HMX2: variants seen among roughly 807,000 people sequenced by gnomAD.
HMX2 encodes homeobox protein HMX2.
A neutral mutation model predicts 21.2 loss-of-function variants in HMX2; 15 were observed. That is an observed-to-expected ratio of 0.71 (90% CI 0.47 to 1.09). The LOEUF (loss-of-function observed/expected upper bound fraction) is 1.09. HMX2 is among the 50% of genes least tolerant of loss of function. The pLI, the probability that HMX2 is intolerant of heterozygous loss-of-function variation, is 0.00. For synonymous variants in HMX2, 193 were observed against 181.0 expected (o/e 1.07, Z -0.53); for missense variants, 440 against 381.5 (o/e 1.15, Z -1.28).
Position 123,148,181 on chromosome 10 carries a change from A to G in HMX2, c.-198A>G. 1 of 589,636 alleles carries G rather than the reference A, an allele frequency of 1.7e-6. No individual in the cohort carries two copies. Among genetic ancestry groups the G allele is most frequent in the Middle Eastern group, 4.4e-4 (1 of 2,258 alleles). 36.5% of individuals were successfully genotyped at this position (589,636 alleles called of 1,614,324 possible). ...CGGGCGCACCCAGAGCCAGGCGGGC[A>G]GGAACCCCTGCGCAGCCATCCGGTG... On this transcript the variant is annotated 5_prime_UTR_variant, in exon 1 of 2. Coordinates refer to ENST00000339992, the MANE Select transcript of HMX2 (RefSeq NM_005519.2).
In HMX2 at chr10:123,150,029, C is replaced by A. The variant is rs752047204; in HGVS notation, c.728C>A (p.Pro243Gln). ...RDSSLLRVPV[P>Q]RSLAFPAPLY... ...AGTTCGCTGCTGCGCGTGCCGGTGC[C>A]GCGCTCGCTCGCCTTTCCCGCGCCG... Residue 243 changes from proline to glutamine, a missense_variant, in exon 2 of 2, where the codon CCG becomes CAG. By Grantham distance (76) the Pro-to-Gln change is moderately conservative. Transcript: ENST00000339992. The surrounding 1 kb of genome is among the most constrained non-coding windows in gnomAD (Gnocchi z 4.2). 1 of 1,606,114 alleles carries A rather than the reference C, an allele frequency of 6.2e-7. No homozygotes were observed. Among genetic ancestry groups the A allele is most frequent in the African/African-American group, 1.3e-5 (1 of 74,824 alleles).
Position 123,149,620 on chromosome 10 carries a change from C to G in HMX2, c.319C>G (p.Pro107Ala). The G allele has an allele frequency of 6.7e-7, 1 of 1,496,500 alleles. No individual in the cohort carries two copies. Among genetic ancestry groups the G allele is most frequent in the Non-Finnish European group, 8.9e-7 (1 of 1,129,794 alleles). The allele number at this position is 1,496,500 out of a possible 1,614,324, so 92.7% of individuals were successfully genotyped here. A position where few individuals can be genotyped will look rare whatever the true frequency, so the allele number is the denominator to read the frequency against. The change falls in exon 2 of 2, where the codon CCT becomes GCT. Residue 107 changes from proline (P) to alanine (A), a missense_variant. Coordinates refer to ENST00000339992, the MANE Select transcript of HMX2 (RefSeq NM_005519.2). This position sits in a 1 kb window ranked among gnomAD's most constrained non-coding sequence, Gnocchi z 5.4. ...GSGPGGLERT[P>A]FLSPSHSDFK... ...GGGCCCGGGCGGCTTGGAGCGCACG[C>G]CTTTCCTCTCTCCTTCGCACTCGGA...
At position 123,149,941 on chromosome 10, in the gene HMX2, G is replaced by T. The variant is rs1844251878; in HGVS notation, c.640G>T (p.Ala214Ser). ...WKRQLSAELE[A>S]ANMAHASAQT... Reference sequence around the variant, plus strand: ...GCGGCAGCTCTCGGCTGAGCTGGAGGCGGCCAACATGGCGCACGCGTCGGC... The same window carrying T: ...GCGGCAGCTCTCGGCTGAGCTGGAGTCGGCCAACATGGCGCACGCGTCGGC... Residue 214 changes from alanine to serine, a missense_variant, in exon 2 of 2, where the codon GCG becomes TCG. Ala to Ser is a moderately conservative substitution (Grantham distance 99). Coordinates refer to ENST00000339992, the MANE Select transcript of HMX2 (RefSeq NM_005519.2). This position sits in a 1 kb window ranked among gnomAD's most constrained non-coding sequence, Gnocchi z 5.4. The T allele has an allele frequency of 1.2e-6, 2 of 1,612,216 alleles. No homozygotes were observed. The highest frequency in any genetic ancestry group is 1.7e-6 in the Non-Finnish European group (2 of 1,179,676).
Position 123,148,436 on chromosome 10 carries a change from T to A in HMX2, c.58T>A (p.Phe20Ile). 1 of 1,613,202 alleles carries A rather than the reference T, an allele frequency of 6.2e-7. No homozygotes were observed. Among genetic ancestry groups the A allele is most frequent in the Non-Finnish European group, 8.5e-7 (1 of 1,179,662 alleles). ...TCCGGCGGCCGGTGGCGTCTCCAGC[T>A]TCACCATCCAGTCCATCCTGGGCGG... ...GCPAAGGVSS[F>I]TIQSILGGGP... is the part of the protein sequence containing the mutation. The change falls in exon 1 of 2, where the codon TTC becomes ATC. Residue 20 changes from phenylalanine (F) to isoleucine (I), a missense_variant. Coordinates refer to ENST00000339992, the MANE Select transcript of HMX2 (RefSeq NM_005519.2).
Position 123,150,086 on chromosome 10 carries a change from T to C in HMX2, c.785T>C (p.Leu262Ser). ...TACCCGGGAAGCAACCTCTCGGCCTTACCTCTCTACAACCTATACAACAAG... is the reference window on the plus strand; with the variant it reads ...TACCCGGGAAGCAACCTCTCGGCCTCACCTCTCTACAACCTATACAACAAG... ...LYYPGSNLSA[L>S]PLYNLYNKLD... is the part of the protein sequence containing the mutation. The change falls in exon 2 of 2, where the codon TTA becomes TCA. Residue 262 changes from leucine (L) to serine (S), a missense_variant. By Grantham distance (145) the Leu-to-Ser change is moderately radical. Transcript: ENST00000339992. This position sits in a 1 kb window ranked among gnomAD's most constrained non-coding sequence, Gnocchi z 4.2. The C allele has an allele frequency of 6.3e-7, 1 of 1,590,268 alleles. No homozygotes were observed. Among genetic ancestry groups the C allele is most frequent in the Non-Finnish European group, 8.5e-7 (1 of 1,174,286 alleles).
chr10:123,149,877 G>T lies in HMX2; in HGVS notation c.576G>T (p.Gln192His), dbSNP rs771091831. The change falls in exon 2 of 2, where the codon CAG (glutamine) becomes CAT (histidine). Residue 192 changes from glutamine (Q) to histidine (H), a missense_variant. By Grantham distance (24) the Gln-to-His change is conservative. Transcript: ENST00000339992. This position sits in a 1 kb window ranked among gnomAD's most constrained non-coding sequence, Gnocchi z 5.4. ...LASSLQLTET[Q>H]VKTWFQNRRN... is the part of the protein sequence containing the mutation. ...CCAGCCTGCAGCTCACGGAGACCCA[G>T]GTAAAGACTTGGTTCCAGAACCGCC... 3.1e-6 allele frequency: 5 copies of T among 1,612,838 alleles called. No individual in the cohort carries two copies. In the East Asian group the frequency reaches 1.1e-4, roughly 36 times the overall value.
Position 123,148,388 on chromosome 10 carries a change from A to T in HMX2, c.10A>T (p.Lys4Ter), listed in dbSNP as rs1337016015. ...TTCTTATGAACCCAGGATGGGCAGC[A>T]AAGAAGATGCGGGCAAGGGGTGTCC... The part of the protein sequence containing the change: MGS[K>*]EDAGKGCPAA... The change falls in exon 1 of 2, where the codon AAA becomes TAA. Residue 4 changes from lysine (K) to a stop codon, truncating the protein, a stop_gained. Coordinates refer to ENST00000339992, the MANE Select transcript of HMX2 (RefSeq NM_005519.2). LOFTEE classifies it high-confidence loss of function. The T allele has an allele frequency of 1.9e-6, 3 of 1,613,206 alleles. No individual in the cohort carries two copies. The African/African-American group carries it at 4.0e-5, about 22-fold the overall frequency.
Position 123,150,124 on chromosome 10 carries a change from C to A in HMX2, c.*1C>A. The A allele has an allele frequency of 6.5e-7, 1 of 1,528,924 alleles. No homozygotes were observed. The allele number at this position is 1,528,924 out of a possible 1,614,324, so 94.7% of individuals were successfully genotyped here. A position where few individuals can be genotyped will look rare whatever the true frequency, so the allele number is the denominator to read the frequency against. On this transcript the variant is annotated 3_prime_UTR_variant, in exon 2 of 2. Transcript: ENST00000339992. This position sits in a 1 kb window ranked among gnomAD's most constrained non-coding sequence, Gnocchi z 4.2. ...CCTATACAACAAGCTCGACTACTGA[C>A]CGGCCCGCCGCCCCGCGCCGCCCCC...
At position 123,148,186 on chromosome 10, in the gene HMX2, C is replaced by T; in HGVS notation, c.-193C>T. 1 of 607,532 alleles carries T rather than the reference C, an allele frequency of 1.6e-6. No individual in the cohort carries two copies. The highest frequency in any genetic ancestry group is 2.8e-6 in the Non-Finnish European group (1 of 355,086). 37.6% of individuals were successfully genotyped at this position (607,532 alleles called of 1,614,324 possible). On this transcript the variant is annotated 5_prime_UTR_variant, in exon 1 of 2. Transcript: ENST00000339992. ...GCACCCAGAGCCAGGCGGGCAGGAA[C>T]CCCTGCGCAGCCATCCGGTGCCTGC...
At position 123,149,949 on chromosome 10, in the gene HMX2, C is replaced by G. The variant is rs753308785; in HGVS notation, c.648C>G (p.Asn216Lys). 172 of 1,611,950 alleles carry G rather than the reference C, an allele frequency of 1.1e-4. No individual in the cohort carries two copies. Among genetic ancestry groups the G allele is most frequent in the Non-Finnish European group, 1.4e-4 (168 of 1,179,610 alleles). The change falls in exon 2 of 2, where the codon AAC (asparagine) becomes AAG (lysine). Residue 216 changes from asparagine (N) to lysine (K), a missense_variant. Coordinates refer to ENST00000339992, the MANE Select transcript of HMX2 (RefSeq NM_005519.2). This position sits in a 1 kb window ranked among gnomAD's most constrained non-coding sequence, Gnocchi z 5.4. ...RQLSAELEAA[N>K]MAHASAQTLV... is the part of the protein sequence containing the mutation. ...TCTCGGCTGAGCTGGAGGCGGCCAA[C>G]ATGGCGCACGCGTCGGCGCAGACTC...
Position 123,148,232 on chromosome 10 carries a change from A to G in HMX2, c.-147A>G. 1.2e-6 allele frequency: 1 copy of G among 816,244 alleles called. No individual in the cohort carries two copies. The highest frequency in any genetic ancestry group is 2.0e-6 in the Non-Finnish European group (1 of 511,896). 50.6% of individuals were successfully genotyped at this position (816,244 alleles called of 1,614,324 possible). A position where few individuals can be genotyped will look rare whatever the true frequency, so the allele number is the denominator to read the frequency against. ...CCTGCATGTCCCTGGCGCGGAAGGG[A>G]CGCCTCACCAGCCTCGGCGCCCCCT... is the stretch of plus-strand genomic sequence containing the variant. On this transcript the variant is annotated 5_prime_UTR_variant, in exon 1 of 2. Coordinates refer to ENST00000339992, the MANE Select transcript of HMX2 (RefSeq NM_005519.2).
rs776530658 is a variant in HMX2 at position 123,149,782 on chromosome 10, G to T, written c.481G>T (p.Val161Leu). Residue 161 changes from valine (V) to leucine (L), a missense_variant, in exon 2 of 2, where the codon GTG (valine) becomes TTG (leucine). By Grantham distance (32) the Val-to-Leu change is conservative (BLOSUM62 1). Transcript: ENST00000339992. This position sits in a 1 kb window ranked among gnomAD's most constrained non-coding sequence, Gnocchi z 5.4. ...GCGCACCGTCTTTTCGCGCAGCCAG[G>T]TGTACCAGCTCGAGTCCACCTTCGA... is the stretch of plus-strand genomic sequence containing the variant. ...KTRTVFSRSQ[V>L]YQLESTFDMK... is the part of the protein sequence containing the mutation. 13 of 1,606,462 alleles carry T rather than the reference G, an allele frequency of 8.1e-6. No individual in the cohort carries two copies. The East Asian group carries it at 1.6e-4, about 19-fold the overall frequency.
chr10:123,148,531 G>T lies in HMX2; in HGVS notation c.153G>T (p.Ser51=), dbSNP rs766681252. The T allele has an allele frequency of 1.9e-6, 3 of 1,612,848 alleles. No homozygotes were observed. Among genetic ancestry groups the T allele is most frequent in the Non-Finnish European group, 2.5e-6 (3 of 1,179,604 alleles). ...PARKRSLSVS[S]EEEEPDDGWK... is the part of the protein sequence containing the mutation. The stretch of plus-strand genomic sequence containing the variant: ...GGAAGCGCAGCCTGTCCGTGTCCTC[G>T]GAGGAGGAGGAGCCGGACGACGGCT... Residue 51 remains serine (S), a synonymous_variant, in exon 1 of 2, where the codon TCG becomes TCT. Coordinates refer to ENST00000339992, the MANE Select transcript of HMX2 (RefSeq NM_005519.2).
chr10:123,148,373 C>T lies in HMX2; in HGVS notation c.-6C>T, dbSNP rs770174689. The T allele has an allele frequency of 1.2e-6, 2 of 1,612,444 alleles. No homozygotes were observed. Among genetic ancestry groups the T allele is most frequent in the Non-Finnish European group, 1.7e-6 (2 of 1,179,214 alleles). On this transcript the variant is annotated 5_prime_UTR_variant, in exon 1 of 2. Transcript: ENST00000339992. ...TTGGTTTCCTTCGATTTCTTATGAA[C>T]CCAGGATGGGCAGCAAAGAAGATGC...
rs1480940642 is a variant in HMX2, at chr10:123,148,477, A to G, written c.99A>G (p.Ala33=). Residue 33 remains alanine (A), a synonymous_variant, in exon 1 of 2, where the codon GCA becomes GCG. Coordinates refer to ENST00000339992, the MANE Select transcript of HMX2 (RefSeq NM_005519.2). ...TCCTGGGCGGGGGCCCCTCGGAGGC[A>G]CCGCGGGAGCCCGTCGGCTGGCCAG... ...QSILGGGPSE[A]PREPVGWPAR... is the part of the protein sequence containing the mutation. 1 of 1,612,438 alleles carries G rather than the reference A, an allele frequency of 6.2e-7. No individual in the cohort carries two copies. Among genetic ancestry groups the G allele is most frequent in the Non-Finnish European group, 8.5e-7 (1 of 1,179,294 alleles).
In HMX2 at chr10:123,149,639, A is replaced by C. The variant is rs529302024; in HGVS notation, c.338A>C (p.His113Pro). ...CGCACGCCTTTCCTCTCTCCTTCGC[A>C]CTCGGACTTTAAAGAAGAGAAAGAG... Reference protein sequence around the residue: ...LERTPFLSPSHSDFKEEKERL... With the variant: ...LERTPFLSPSPSDFKEEKERL... Residue 113 changes from histidine to proline, a missense_variant, in exon 2 of 2, where the codon CAC (histidine) becomes CCC (proline). Physicochemically the swap from His to Pro is moderately conservative, Grantham distance 77. Coordinates refer to ENST00000339992, the MANE Select transcript of HMX2 (RefSeq NM_005519.2). The surrounding 1 kb of genome is among the most constrained non-coding windows in gnomAD (Gnocchi z 5.4). 3.3e-5 allele frequency: 51 copies of C among 1,530,856 alleles called. No homozygotes were observed. The South Asian group carries it at 6.4e-4, about 19-fold the overall frequency. The allele number at this position is 1,530,856 out of a possible 1,614,324, so 94.8% of individuals were successfully genotyped here.
Position 123,149,933 on chromosome 10 carries a change from A to C in HMX2, c.632A>C (p.Glu211Ala). 3.7e-6 allele frequency: 6 copies of C among 1,612,324 alleles called. No individual in the cohort carries two copies. The highest frequency in any genetic ancestry group is 3.4e-6 in the Non-Finnish European group (4 of 1,179,702). ...RNKWKRQLSA[E>A]LEAANMAHAS... ...AAGTGGAAGCGGCAGCTCTCGGCTG[A>C]GCTGGAGGCGGCCAACATGGCGCAC... is the stretch of plus-strand genomic sequence containing the variant. The change falls in exon 2 of 2, where the codon GAG becomes GCG. Residue 211 changes from glutamate (E) to alanine (A), a missense_variant. Transcript: ENST00000339992. The surrounding 1 kb of genome is among the most constrained non-coding windows in gnomAD (Gnocchi z 5.4).
In HMX2 at chr10:123,148,535, G is replaced by A. The variant is rs754165593; in HGVS notation, c.157G>A (p.Glu53Lys). ...RKRSLSVSSE[E>K]EEPDDGWKAP... ...GCGCAGCCTGTCCGTGTCCTCGGAG[G>A]AGGAGGAGCCGGACGACGGCTGGAA... Residue 53 changes from glutamate (E) to lysine (K), a missense_variant, in exon 1 of 2, where the codon GAG becomes AAG. By Grantham distance (56) the Glu-to-Lys change is moderately conservative. Transcript: ENST00000339992. 2.5e-6 allele frequency: 4 copies of A among 1,613,078 alleles called. No individual in the cohort carries two copies. The highest frequency in any genetic ancestry group is 2.7e-5 in the African/African-American group (2 of 74,932).
rs1844227564 is a variant in HMX2, at chr10:123,148,596, C to A, written c.218C>A (p.Pro73His). ...TGCTTCTGCCCAGACCAGCACGGCC[C>A]TAAGGAGCAGGGCCCCAAGCACCAT... ...PACFCPDQHG[P>H]KEQGPKHHPP... Residue 73 changes from proline (P) to histidine (H), a missense_variant, in exon 1 of 2, where the codon CCT becomes CAT. Transcript: ENST00000339992. 6.2e-7 allele frequency: 1 copy of A among 1,613,136 alleles called. No individual in the cohort carries two copies. Among genetic ancestry groups the A allele is most frequent in the African/African-American group, 1.3e-5 (1 of 74,870 alleles).
Sources: allele counts gnomAD v4.1 joint callset, GRCh38; gene constraint gnomAD v4.1.1; non-coding constraint Gnocchi (gnomAD v3.1); transcripts MANE v1.5; gene names NCBI Gene and HGNC (gene_info 2026-07-23, HGNC 2026-07-21).